The following ACAP2 variants were observed in gnomAD, a reference collection of about 807,000 sequenced individuals.
The protein encoded by ACAP2 is ArfGAP with coiled-coil, ankyrin repeat and PH domains 2, also known as arf-GAP with coiled-coil, ANK repeat and PH domain-containing protein 2.
ACAP2 carries 39 observed loss-of-function variants against 115.8 expected under a neutral mutation model. That is an observed-to-expected ratio of 0.34 (90% CI 0.26 to 0.44). The LOEUF (loss-of-function observed/expected upper bound fraction) is 0.44, where lower values mean the gene tolerates loss of function less well. ACAP2 is among the 20% of genes least tolerant of loss of function. The pLI is 1.00. For synonymous variants in ACAP2, 289 were observed against 315.8 expected, an observed-to-expected ratio of 0.92 and a Z score of 0.90; for missense variants, 662 against 927.6, an observed-to-expected ratio of 0.71 and a Z score of 3.72.
chr3:195,290,813 A>AAAATAAATAAAT (rs34104661), intron 20 of ACAP2, among the ~76,000 whole-genome samples: 31 of 138,442 alleles, frequency 2.2e-4, no homozygotes, highest in African/African-American at 5.1e-4. Flanking sequence ...ACTTTATCTC[A>AAAATAAATAAAT]AAATAAATAA....
chr3:195,382,507 C>G (rs1266613595), intron 2 of ACAP2, among the ~76,000 whole-genome samples: 3 of 152,094 alleles, frequency 2.0e-5, no homozygotes, highest in Admixed American at 6.5e-5. Flanking sequence ...CCCTCCAACT[C>G]CCTGTTCTTC....
intron 17 of ACAP2, chr3:195,295,447 G>T: frequency 1.8e-6 from 1 of 548,950 alleles, no homozygotes; most frequent in South Asian, 2.0e-5. Flanking sequence ...TGAAATGTCA[G>T]GTTTATAATT....
At chr3:195,292,579 A>G (rs1727332679) in intron 18 of ACAP2, 127 bp from the exon 19 acceptor site, 1 of 853,638 alleles carries the variant, frequency 1.2e-6, no homozygotes, top group Non-Finnish European at 1.8e-6. Context: ...CAGTAAAGAT[A>G]GCACACTAAT....
At chr3:195,285,093 C>T (rs1401269788) in intron 22 of ACAP2, among the ~76,000 whole-genome samples, 1 of 152,224 alleles carries the variant, frequency 6.6e-6, no homozygotes, top group Non-Finnish European at 1.5e-5. Flanking sequence ...CTAAATACTT[C>T]CGCTTATCTA....
intron 1 of ACAP2, among the ~76,000 whole-genome samples, chr3:195,414,312 T>C (rs1713536180): frequency 6.6e-6 from 1 of 152,208 alleles, no homozygotes; most frequent in Non-Finnish European, 1.5e-5. Context: ...TCTTACTATG[T>C]TGTGCAGGAT....
Position 195,337,979 on chromosome 3 carries a change from C to T in ACAP2, c.529-1003G>A, listed in dbSNP as rs1050477598. On this transcript the variant is annotated intron_variant, in intron 6 of 22. Transcript: ENST00000326793. Reference sequence around the variant, plus strand: ...AACCTGAGCCTGGGGCCACTCCCACCTCAATGCCTTTGCACTGGCTGTTCT... The same window carrying T: ...AACCTGAGCCTGGGGCCACTCCCACTTCAATGCCTTTGCACTGGCTGTTCT... Among the ~76,000 whole-genome samples the T allele has an allele frequency of 3.9e-5, 6 of 152,282 alleles. 1 individual carries two copies. Among genetic ancestry groups the T allele is most frequent in the Middle Eastern group, 6.8e-3 (2 of 294 alleles).
chr3:195,424,836 G>A (rs1714538977), intron 1 of ACAP2, among the ~76,000 whole-genome samples: 1 of 143,738 alleles, frequency 7.0e-6, no homozygotes, highest in African/African-American at 2.6e-5. Flanking sequence ...AGGATCATTT[G>A]AGCCAAGAGG....
intron 1 of ACAP2, among the ~76,000 whole-genome samples, chr3:195,407,283 A>T (rs114988447): frequency 0.026 from 3,874 of 151,872 alleles, 143 homozygotes; most frequent in African/African-American, 0.084. Context: ...GGATTGTTTG[A>T]GCCCAAGAGT....
rs1182594091 is a variant in ACAP2 at position 195,278,064 on chromosome 3, C to T, written c.*1264G>A. 1 of 140,156 alleles carries T rather than the reference C, an allele frequency of 7.1e-6. No individual in the cohort carries two copies. Among genetic ancestry groups the T allele is most frequent in the African/African-American group, 2.7e-5 (1 of 37,484 alleles). The allele number at this position is 140,156 out of a possible 1,614,324, so 8.7% of individuals were successfully genotyped here. On this transcript the variant is annotated 3_prime_UTR_variant, in exon 23 of 23. Transcript: ENST00000326793. ...CCACTGCACTCCAGCCTGGGTGACACAGCAAGACGCCATCTCGGGAAAAAA... is the reference window on the plus strand; with the variant it reads ...CCACTGCACTCCAGCCTGGGTGACATAGCAAGACGCCATCTCGGGAAAAAA...
intron 1 of ACAP2, among the ~76,000 whole-genome samples, chr3:195,433,720 T>C (rs1274042968): frequency 6.6e-6 from 1 of 152,256 alleles, no homozygotes; most frequent in African/African-American, 2.4e-5. Context: ...TTTTAATACT[T>C]TACCCTATTA....
intron 4 of ACAP2, among the ~76,000 whole-genome samples, chr3:195,371,987 TAA>T (rs1733182382): frequency 6.6e-6 from 1 of 152,176 alleles, no homozygotes; most frequent in African/African-American, 2.4e-5. Context: ...AATCTTTCAA[TAA>T]AATTTACATT....
chr3:195,408,313 A>C (rs1237631013), intron 1 of ACAP2, among the ~76,000 whole-genome samples: 1 of 152,156 alleles, frequency 6.6e-6, no homozygotes, highest in Non-Finnish European at 1.5e-5. Context: ...AGGTACAAAA[A>C]TTAGCCGGGC....
intron 1 of ACAP2, among the ~76,000 whole-genome samples, chr3:195,423,622 C>T (rs1285393942): frequency 1.1e-5 from 1 of 92,650 alleles, no homozygotes; most frequent in African/African-American, 4.2e-5. Context: ...GACTCCGTCT[C>T]AAAAAAAAAA....
At chr3:195,348,055 T>TAA (rs59102931) in intron 4 of ACAP2, among the ~76,000 whole-genome samples, 36,925 of 145,782 alleles carry the variant, frequency 0.25, 5,191 homozygotes, top group East Asian at 0.71. Flanking sequence ...AGAAAACTTG[T>TAA]AAAAAAAAAA....
intron 1 of ACAP2, among the ~76,000 whole-genome samples, chr3:195,416,118 T>C (rs1577446486): frequency 6.6e-6 from 1 of 151,926 alleles, no homozygotes; most frequent in Non-Finnish European, 1.5e-5. Flanking sequence ...GAGGCCGAGG[T>C]GGGAGGATCA....
chr3:195,395,251 A>G (rs1293273370), intron 1 of ACAP2, among the ~76,000 whole-genome samples: 1 of 152,180 alleles, frequency 6.6e-6, no homozygotes, highest in East Asian at 1.9e-4. Context: ...TTAAAATTTA[A>G]TTTAAAAAAA....
Position 195,442,884 on chromosome 3 carries a change from AG to A in ACAP2, c.-38del. On this transcript the variant is annotated 5_prime_UTR_variant, in exon 1 of 23. Coordinates refer to ENST00000326793, the MANE Select transcript of ACAP2 (RefSeq NM_012287.6). ...CTCGCAGGCGGCGCTGGCAAAGCCG[AG>A]GGGGCCGCGGGAGCGGCCGCGCTGG... The A allele has an allele frequency of 1.3e-6, 2 of 1,501,746 alleles. No individual in the cohort carries two copies. Among genetic ancestry groups the A allele is most frequent in the East Asian group, 2.8e-5 (1 of 35,110 alleles). 93.0% of individuals were successfully genotyped at this position (1,501,746 alleles called of 1,614,324 possible). A position where few individuals can be genotyped will look rare whatever the true frequency, so the allele number is the denominator to read the frequency against.
In ACAP2 at chr3:195,277,403, G is replaced by C. The variant is rs1726221371; in HGVS notation, c.*1925C>G. The stretch of plus-strand genomic sequence containing the variant: ...GCAAAGATAAAGATTTAATGTTCCT[G>C]TTATTGTTATAATTAAATACAATGC... On this transcript the variant is annotated 3_prime_UTR_variant, in exon 23 of 23. Transcript: ENST00000326793. The C allele has an allele frequency of 6.6e-6, 1 of 152,142 alleles. No individual in the cohort carries two copies. Among genetic ancestry groups the C allele is most frequent in the Non-Finnish European group, 1.5e-5 (1 of 68,004 alleles). The allele number at this position is 152,142 out of a possible 1,614,324, so 9.4% of individuals were successfully genotyped here.
chr3:195,361,674 TA>T, intron 4 of ACAP2, among the ~76,000 whole-genome samples: 1 of 151,006 alleles, frequency 6.6e-6, no homozygotes. Context: ...AGAAAATAAA[TA>T]AAGACCAGAG....
Sources: allele counts gnomAD v4.1 joint callset (sites outside exome capture counted in the v4.1 genomes callset), GRCh38; gene constraint gnomAD v4.1.1; transcripts MANE v1.5; gene names NCBI Gene and HGNC (gene_info 2026-07-23, HGNC 2026-07-21).